The following SND1 variants were observed in gnomAD, a reference collection of about 807,000 sequenced individuals.
SND1 encodes staphylococcal nuclease domain-containing protein 1.
In SND1, 38 loss-of-function variants were observed where a neutral mutation model predicts 121.7. That is an observed-to-expected ratio of 0.31 (90% CI 0.24 to 0.41). The LOEUF is 0.41. Among genes scored for constraint, SND1 ranks in the 10% least tolerant of loss-of-function variants. SND1 has a pLI of 1.00. For synonymous variants in SND1, 401 were observed against 447.4 expected, an observed-to-expected ratio of 0.90 and a Z score of 1.31; for missense variants, 868 against 1,184.6, an observed-to-expected ratio of 0.73 and a Z score of 3.92.
At chr7:128,032,822 C>T (rs1466240671) in intron 16 of SND1, among the ~76,000 whole-genome samples, 2 of 152,180 alleles carry the variant, frequency 1.3e-5, no homozygotes, top group African/African-American at 4.8e-5. Context: ...CCCTCCTGTG[C>T]TCTCACTGGG....
intron 10 of SND1, among the ~76,000 whole-genome samples, chr7:127,798,088 T>C (rs1798058815): frequency 6.6e-6 from 1 of 152,200 alleles, no homozygotes; most frequent in African/African-American, 2.4e-5. Flanking sequence ...AATGGTACTT[T>C]AATTTCAGGG....
At chr7:127,732,146 G>A (rs372642830) in intron 10 of SND1, among the ~76,000 whole-genome samples, 1 of 152,172 alleles carries the variant, frequency 6.6e-6, no homozygotes, top group East Asian at 1.9e-4. Context: ...GTTCTCAAAA[G>A]TTTTGTTTGT....
chr7:127,991,013 A>G lies in SND1; in HGVS notation c.1736A>G (p.Glu579Gly). The G allele has an allele frequency of 1.2e-6, 2 of 1,614,080 alleles. No individual in the cohort carries two copies. The highest frequency in any genetic ancestry group is 1.7e-6 in the Non-Finnish European group (2 of 1,179,968). Residue 579 changes from glutamate (E) to glycine (G), a missense_variant, in exon 16 of 24, where the codon GAG becomes GGG. By Grantham distance (98) the Glu-to-Gly change is moderately conservative. Coordinates refer to ENST00000354725, the MANE Select transcript of SND1 (RefSeq NM_014390.4). The stretch of plus-strand genomic sequence containing the variant: ...GTGCAGGAAGGAGAGCCCTTCAGCG[A>G]GGAAGCTACACTTTTCACCAAGGAA... ...GLVQEGEPFSEEATLFTKELV... is the reference protein window; with the variant it reads ...GLVQEGEPFSGEATLFTKELV...
rs779491748 is a variant in SND1 at position 127,652,415 on chromosome 7, C to A, written c.42C>A (p.Pro14=). ...SAQSGGSSGG[P]AVPTVQRGII... is the part of the protein sequence containing the mutation. ...AGAGCGGCGGCTCCTCCGGGGGACC[C>A]GCGGTCCCCACCGTGCAGCGGGGCA... Residue 14 remains proline, a synonymous_variant, in exon 1 of 24, where the codon CCC becomes CCA. Transcript: ENST00000354725. The A allele has an allele frequency of 3.8e-6, 6 of 1,593,578 alleles. No homozygotes were observed. The African/African-American group carries it at 8.0e-5, about 21-fold the overall frequency.
At chr7:128,066,064 T>A (rs1019461607) in intron 16 of SND1, among the ~76,000 whole-genome samples, 3 of 152,204 alleles carry the variant, frequency 2.0e-5, no homozygotes, top group African/African-American at 7.2e-5. Flanking sequence ...GTAAACTGTG[T>A]TAGCGCTCGC....
intron 15 of SND1, among the ~76,000 whole-genome samples, chr7:127,984,152 C>T (rs1208110295): frequency 1.3e-5 from 2 of 152,196 alleles, no homozygotes; most frequent in Admixed American, 6.5e-5. Flanking sequence ...CATGTGGCCA[C>T]ATAACTTTCC....
At chr7:128,056,824 A>C (rs1793151144) in intron 16 of SND1, among the ~76,000 whole-genome samples, 1 of 152,244 alleles carries the variant, frequency 6.6e-6, no homozygotes, top group South Asian at 2.1e-4. Flanking sequence ...ATAAGGTATA[A>C]GATTAATAAC....
At chr7:127,712,165 T>C (rs763701326) in intron 9 of SND1, among the ~76,000 whole-genome samples, 1 of 152,124 alleles carries the variant, frequency 6.6e-6, no homozygotes, top group Non-Finnish European at 1.5e-5. Context: ...ACATATTTGC[T>C]TGTTTGTTTT....
intron 16 of SND1, among the ~76,000 whole-genome samples, chr7:128,071,431 C>A (rs1278945383): frequency 2.0e-5 from 3 of 152,182 alleles, no homozygotes; most frequent in African/African-American, 4.8e-5. Context: ...ATGTATATAT[C>A]TCTGTGTCTA....
intron 15 of SND1, among the ~76,000 whole-genome samples, chr7:127,942,783 G>A (rs753950893): frequency 6.6e-6 from 1 of 152,122 alleles, no homozygotes; most frequent in Non-Finnish European, 1.5e-5. Flanking sequence ...CTCCCTAAAG[G>A]TTTTCTCTGA....
At chr7:128,082,410 C>T (rs1477695314) in intron 18 of SND1, among the ~76,000 whole-genome samples, 3 of 152,222 alleles carry the variant, frequency 2.0e-5, no homozygotes, top group East Asian at 1.9e-4. Flanking sequence ...ACCCCAGGTC[C>T]GCTCCAGCCC....
In SND1 at chr7:127,737,596, A is replaced by G. The variant is rs113706588; in HGVS notation, c.1152+16196A>G. Among the ~76,000 whole-genome samples, 881 of 152,294 alleles carry G rather than the reference A, an allele frequency of 5.8e-3. 7 individuals carry two copies. Among genetic ancestry groups the G allele is most frequent in the African/African-American group, 0.019 (802 of 41,542 alleles). ...GTCTCAAAGAAGTGGTATGGTATGTATAGGGGGGTTATGGCTCACATTGTT... is the reference window on the plus strand; with the variant it reads ...GTCTCAAAGAAGTGGTATGGTATGTGTAGGGGGGTTATGGCTCACATTGTT... On this transcript the variant is annotated intron_variant, in intron 10 of 23. Transcript: ENST00000354725.
intron 10 of SND1, among the ~76,000 whole-genome samples, chr7:127,731,889 T>A (rs564151293): frequency 9.9e-5 from 15 of 152,214 alleles, no homozygotes; most frequent in Non-Finnish European, 1.5e-5. Flanking sequence ...CCTGACAAAC[T>A]GGAAACTCAG....
At chr7:127,720,019 GGT>G (rs1047625658) in intron 9 of SND1, among the ~76,000 whole-genome samples, 40 of 152,082 alleles carry the variant, frequency 2.6e-4, no homozygotes, top group African/African-American at 6.5e-4. Flanking sequence ...TTGTGTTTCC[GGT>G]GTGTGGCTGG....
intron 11 of SND1, among the ~76,000 whole-genome samples, chr7:127,839,732 A>G (rs1228039512): frequency 6.6e-6 from 1 of 152,194 alleles, no homozygotes; most frequent in Non-Finnish European, 1.5e-5. Flanking sequence ...TAATAGACGA[A>G]GGTTGCCTGC....
At chr7:127,992,731 C>T (rs1427859751) in intron 16 of SND1, among the ~76,000 whole-genome samples, 1 of 152,170 alleles carries the variant, frequency 6.6e-6, no homozygotes, top group East Asian at 1.9e-4. Context: ...CACCTTTCTT[C>T]CTGATCATGT....
At chr7:127,974,114 G>T (rs1384324696) in intron 15 of SND1, among the ~76,000 whole-genome samples, 1 of 152,218 alleles carries the variant, frequency 6.6e-6, no homozygotes, top group Non-Finnish European at 1.5e-5. Context: ...AGAGCTGCCT[G>T]AGTGAGTGTT....
At chr7:128,026,203 CCCTTTGCTCT>C (rs2116972446) in intron 16 of SND1, among the ~76,000 whole-genome samples, 1 of 152,278 alleles carries the variant, frequency 6.6e-6, no homozygotes, top group East Asian at 1.9e-4. Context: ...CCAAGTCCCA[CCCTTTGCTCT>C]CCTGCAGTTT....
At position 127,898,512 on chromosome 7, in the gene SND1, G is replaced by A. The variant is rs533689990; in HGVS notation, c.1455-6235G>A. 3.3e-5 allele frequency among the ~76,000 whole-genome samples: 5 copies of A among 152,216 alleles called. No homozygotes were observed. The South Asian group carries it at 1.0e-3, about 32-fold the overall frequency. On this transcript the variant is annotated intron_variant, in intron 13 of 23. Coordinates refer to ENST00000354725, the MANE Select transcript of SND1 (RefSeq NM_014390.4). ...CAAGTAACCAGGAGAAAGGCCGAAG[G>A]AATTGTTTATTGCTACCATGTTTCA...
Sources: gnomAD v4.1 joint callset for allele counts (sites outside exome capture counted in the v4.1 genomes callset) on GRCh38, gnomAD v4.1.1 for gene constraint, MANE v1.5 for transcripts, NCBI Gene and HGNC (gene_info 2026-07-23, HGNC 2026-07-21) for gene names.